Variants in KMT5A observed in about 807,000 individuals in gnomAD.
KMT5A encodes N-lysine methyltransferase KMT5A.
In KMT5A, 6 loss-of-function variants were observed where a neutral mutation model predicts 40.6. The ratio of observed to expected loss-of-function variants is 0.15; its 90% CI spans 0.08 to 0.29. The LOEUF is 0.29. Ranked by LOEUF, KMT5A falls within the 10% of genes least tolerant of loss-of-function variation. KMT5A has a pLI of 1.00. For missense variants in KMT5A, 308 were observed against 459.1 expected, an observed-to-expected ratio of 0.67 and a Z score of 3.01; for synonymous variants, 153 against 178.8, an observed-to-expected ratio of 0.86 and a Z score of 1.15.
intron 2 of KMT5A, chr12:123,390,088 A>G (rs1460913752): frequency 2.1e-6 from 1 of 468,956 alleles, no homozygotes; most frequent in South Asian, 1.5e-5. Flanking sequence ...TTCCCCAGTC[A>G]CCCTGAGAGA....
rs575411007 is a variant in KMT5A, at chr12:123,408,923, C to T, written c.*1220C>T. On this transcript the variant is annotated 3_prime_UTR_variant, in exon 8 of 8. Coordinates refer to ENST00000402868, the MANE Select transcript of KMT5A (RefSeq NM_020382.7). The stretch of plus-strand genomic sequence containing the variant: ...TCAAGGATAGGGCTAAGGTTTTCAC[C>T]TTAACTGTGAAGGCAGGAGGAATAG... 5 of 152,780 alleles carry T rather than the reference C, an allele frequency of 3.3e-5. No individual in the cohort carries two copies. The highest frequency in any genetic ancestry group is 9.6e-5 in the African/African-American group (4 of 41,576). The allele number at this position is 152,780 out of a possible 1,614,324, so 9.5% of individuals were successfully genotyped here.
intron 1 of KMT5A, among the ~76,000 whole-genome samples, chr12:123,387,495 GT>G (rs1486770379): frequency 6.6e-6 from 1 of 152,212 alleles, no homozygotes; most frequent in Non-Finnish European, 1.5e-5. Flanking sequence ...GCTCAACCTG[GT>G]TATCAGAGTG....
intron 5 of KMT5A, among the ~76,000 whole-genome samples, chr12:123,398,585 C>T (rs956964327): frequency 6.6e-5 from 10 of 152,236 alleles, no homozygotes; most frequent in African/African-American, 2.4e-4. Context: ...TCTGCAAACA[C>T]AAGAAAGCTC....
chr12:123,398,020 C>T (rs1463524322), intron 5 of KMT5A, among the ~76,000 whole-genome samples: 1 of 151,376 alleles, frequency 6.6e-6, no homozygotes, highest in Non-Finnish European at 1.5e-5. Context: ...CAGTGGCTCA[C>T]ACCTGTAATC....
chr12:123,396,363 A>G lies in KMT5A; in HGVS notation c.528A>G (p.Gln176=), dbSNP rs1877727842. ...APRKKAQGKT[Q]QNRKLTDFYP... ...TACCCAGAGCTCAAGGAAAAACGCAACAGAATCGCAAACTTACGGATTTCT... is the reference window on the plus strand; with the variant it reads ...TACCCAGAGCTCAAGGAAAAACGCAGCAGAATCGCAAACTTACGGATTTCT... The change falls in exon 5 of 8, where the codon CAA becomes CAG. Residue 176 remains glutamine, a synonymous_variant. Coordinates refer to ENST00000402868, the MANE Select transcript of KMT5A (RefSeq NM_020382.7). 2.5e-6 allele frequency: 4 copies of G among 1,613,402 alleles called. No individual in the cohort carries two copies. The South Asian group carries it at 3.3e-5, about 13-fold the overall frequency.
intron 1 of KMT5A, among the ~76,000 whole-genome samples, chr12:123,387,412 A>G (rs1443429533): frequency 1.3e-5 from 2 of 152,244 alleles, no homozygotes; most frequent in African/African-American, 4.8e-5. Context: ...TTCCTGCTCC[A>G]AAACCATGAT....
At chr12:123,407,357 G>T in intron 7 of KMT5A, 136 bp from the exon 8 acceptor site, 1 of 895,710 alleles carries the variant, frequency 1.1e-6, no homozygotes, top group Non-Finnish European at 1.7e-6. Context: ...AAAGAAAATA[G>T]CTTTATGAAT....
intron 3 of KMT5A, among the ~76,000 whole-genome samples, chr12:123,393,410 G>A (rs1346763793): frequency 6.6e-6 from 1 of 152,084 alleles, no homozygotes; most frequent in African/African-American, 2.4e-5. Context: ...TTCTGTCTCT[G>A]TGGATTTGCC....
intron 7 of KMT5A, among the ~76,000 whole-genome samples, chr12:123,405,570 A>AGT (rs1430346691): frequency 8.4e-6 from 1 of 118,520 alleles, no homozygotes; most frequent in Non-Finnish European, 1.6e-5. Flanking sequence ...CCCAAGCTGG[A>AGT]GTGCAGTGGC....
chr12:123,404,950 G>C lies in KMT5A; in HGVS notation c.724G>C (p.Val242Leu). ...ATKQFSRGDF[V>L]VEYHGDLIEI... ...CAAGCAGTTCTCCCGGGGTGACTTT[G>C]TGGTGGAATACCACGGGGACCTCAT... The change falls in exon 7 of 8, where the codon GTG becomes CTG. Residue 242 changes from valine to leucine, a missense_variant. Around this residue, in one of 4 missense-constraint regions of KMT5A, gnomAD observed 77 missense variants for 220.0 expected, o/e 0.35. Coordinates refer to ENST00000402868, the MANE Select transcript of KMT5A (RefSeq NM_020382.7). 1 of 1,613,886 alleles carries C rather than the reference G, an allele frequency of 6.2e-7. No individual in the cohort carries two copies. Among genetic ancestry groups the C allele is most frequent in the Non-Finnish European group, 8.5e-7 (1 of 1,179,878 alleles).
chr12:123,401,824 C>T (rs1878205054), intron 5 of KMT5A, among the ~76,000 whole-genome samples: 1 of 152,066 alleles, frequency 6.6e-6, no homozygotes. Context: ...TCAAGTGATC[C>T]ACCCACCTCA....
At chr12:123,389,977 C>G (rs1877166724) in intron 2 of KMT5A, 1 of 447,842 alleles carries the variant, frequency 2.2e-6, no homozygotes, top group Admixed American at 2.4e-5. Context: ...GTGACCTGAA[C>G]CGCCCCACCG....
rs1593475014 is a variant in KMT5A, at chr12:123,404,758, G to C, written c.658-126G>C. 3 of 908,434 alleles carry C rather than the reference G, an allele frequency of 3.3e-6. No individual in the cohort carries two copies. The East Asian group carries it at 7.6e-5, about 23-fold the overall frequency. The allele number at this position is 908,434 out of a possible 1,614,324, so 56.3% of individuals were successfully genotyped here. On this transcript the variant is annotated intron_variant, in intron 6 of 7. Transcript: ENST00000402868. ...ATCAGCCTGTACATGTAAAGTGAGT[G>C]AATTTTATGACATGGCTCAGTACAG...
chr12:123,407,811 T>C lies in KMT5A; in HGVS notation c.*108T>C. 1 of 688,044 alleles carries C rather than the reference T, an allele frequency of 1.5e-6. No individual in the cohort carries two copies. Among genetic ancestry groups the C allele is most frequent in the East Asian group, 2.7e-5 (1 of 36,810 alleles). The allele number at this position is 688,044 out of a possible 1,614,324, so 42.6% of individuals were successfully genotyped here. A position where few individuals can be genotyped will look rare whatever the true frequency, so the allele number is the denominator to read the frequency against. ...TACACACTTAATCTTAGCGGATTAC[T>C]TCAGATGTTTTTAAAAAGTATATTA... On this transcript the variant is annotated 3_prime_UTR_variant, in exon 8 of 8. Coordinates refer to ENST00000402868, the MANE Select transcript of KMT5A (RefSeq NM_020382.7).
intron 6 of KMT5A, 59 bp from the exon 7 acceptor site, chr12:123,404,825 C>A: frequency 2.0e-6 from 3 of 1,535,702 alleles, no homozygotes; most frequent in South Asian, 1.2e-5. Flanking sequence ...CGGAGACCTG[C>A]TGTGCACAGT....
At chr12:123,395,022 G>A (rs1400844865) in intron 3 of KMT5A, 25 bp from the exon 4 acceptor site, 8 of 1,543,008 alleles carry the variant, frequency 5.2e-6, no homozygotes, top group South Asian at 3.6e-5. Flanking sequence ...GAATAAACCC[G>A]TCTTTCCCCC....
chr12:123,395,218 A>C lies in KMT5A; in HGVS notation c.461A>C (p.Lys154Thr). The C allele has an allele frequency of 6.2e-7, 1 of 1,613,690 alleles. No homozygotes were observed. The highest frequency in any genetic ancestry group is 8.5e-7 in the Non-Finnish European group (1 of 1,179,852). Reference protein sequence around the residue: ...SCDSTNAAIAKQALKKPIKGK... With the variant: ...SCDSTNAAIATQALKKPIKGK... ...GATTCCACCAATGCAGCCATCGCCA[A>C]GCAAGCCCTGAAAAAGCCCATCAAG... The change falls in exon 4 of 8, where the codon AAG (lysine) becomes ACG (threonine). Residue 154 changes from lysine to threonine, a missense_variant. By Grantham distance (78) the Lys-to-Thr change is moderately conservative. Transcript: ENST00000402868.
chr12:123,390,578 T>C, intron 2 of KMT5A, 52 bp from the exon 3 acceptor site: 1 of 1,598,360 alleles, frequency 6.3e-7, no homozygotes, highest in Non-Finnish European at 8.5e-7. Context: ...TCGTGAATGC[T>C]CTAGGATCTT....
Position 123,407,733 on chromosome 12 carries a change from C to G in KMT5A, c.*30C>G. 1 of 1,571,432 alleles carries G rather than the reference C, an allele frequency of 6.4e-7. No individual in the cohort carries two copies. The highest frequency in any genetic ancestry group is 8.7e-7 in the Non-Finnish European group (1 of 1,152,132). On this transcript the variant is annotated 3_prime_UTR_variant, in exon 8 of 8. Coordinates refer to ENST00000402868, the MANE Select transcript of KMT5A (RefSeq NM_020382.7). ...TGGGCCCCGTGCCCTCCCCGCCCCACTTTCCCTTCTTCAAAGGACAAAGTG... is the reference window on the plus strand; with the variant it reads ...TGGGCCCCGTGCCCTCCCCGCCCCAGTTTCCCTTCTTCAAAGGACAAAGTG...
Sources: gnomAD v4.1 joint callset for allele counts (sites outside exome capture counted in the v4.1 genomes callset) on GRCh38, gnomAD v4.1.1 for gene constraint, gnomAD v4.1.1 regional missense constraint, MANE v1.5 for transcripts, NCBI Gene and HGNC (gene_info 2026-07-23, HGNC 2026-07-21) for gene names.